KATNAL2: variants seen among roughly 807,000 people sequenced by gnomAD.
KATNAL2 encodes katanin p60 ATPase-containing subunit A-like 2.
Under a neutral mutation model 76.3 loss-of-function variants are expected in KATNAL2, and 52 were observed. That is an observed-to-expected ratio of 0.68 (90% confidence interval 0.55 to 0.86). KATNAL2 has a LOEUF of 0.86. KATNAL2 is among the 40% of genes least tolerant of loss of function. KATNAL2 has a pLI of 0.00. For synonymous variants in KATNAL2, 243 were observed against 244.2 expected, an observed-to-expected ratio of 1.00 and a Z score of 0.05; for missense variants, 660 against 668.9, an observed-to-expected ratio of 0.99 and a Z score of 0.15.
At chr18:47,054,482 G>T (rs773989990) in intron 6 of KATNAL2, 44 bp downstream of exon 6, 25 of 1,579,832 alleles carry the variant, frequency 1.6e-5, no homozygotes, top group African/African-American at 2.7e-5. Context: ...GGCTCGAGGA[G>T]CTTGTGGAAT....
chr18:47,033,560 G>C (rs1385638592), intron 3 of KATNAL2: 2 of 1,614,096 alleles, frequency 1.2e-6, no homozygotes, highest in South Asian at 1.1e-5. Context: ...TTCTTTCTGC[G>C]ATACAGCTGA....
At chr18:47,051,876 G>A (rs1435073074) in intron 4 of KATNAL2, among the ~76,000 whole-genome samples, 1 of 152,166 alleles carries the variant, frequency 6.6e-6, no homozygotes. Context: ...AGCAGCCTGG[G>A]CATCATAAGG....
At chr18:47,066,888 T>TATATATATATATATAACACAC (rs11281082) in intron 10 of KATNAL2, 133 bp from the exon 11 acceptor site, 23 of 75,804 alleles carry the variant, frequency 3.0e-4, no homozygotes, top group Non-Finnish European at 5.3e-4. Flanking sequence ...TATATATATA[T>TATATATATATATATAACACAC]ATATAATATG....
intron 15 of KATNAL2, among the ~76,000 whole-genome samples, chr18:47,087,752 CTG>C (rs35852657): frequency 0.41 from 60,296 of 148,050 alleles, 12,119 homozygotes; most frequent in Middle Eastern, 0.48. Flanking sequence ...TCTTTTACAT[CTG>C]TGTGTGTGTG....
At chr18:47,038,492 T>C (rs1381633531) in intron 3 of KATNAL2, among the ~76,000 whole-genome samples, 6 of 152,216 alleles carry the variant, frequency 3.9e-5, no homozygotes. Context: ...ACATGGAGTA[T>C]TTCTATAATA....
chr18:47,040,671 C>T (rs1365361104), intron 3 of KATNAL2, among the ~76,000 whole-genome samples: 1 of 152,130 alleles, frequency 6.6e-6, no homozygotes, highest in African/African-American at 2.4e-5. Flanking sequence ...GAATGGTGCA[C>T]ACTTGTAGTC....
At chr18:47,046,265 T>A (rs546845545) in intron 3 of KATNAL2, 192 bp from the exon 4 acceptor site, 1 of 578,286 alleles carries the variant, frequency 1.7e-6, no homozygotes, top group East Asian at 2.8e-5. Flanking sequence ...AGTTTACAAT[T>A]GAGAAGGCAG....
chr18:46,956,696 C>T (rs896086915), intron 3 of KATNAL2, among the ~76,000 whole-genome samples: 5 of 152,176 alleles, frequency 3.3e-5, no homozygotes, highest in African/African-American at 1.2e-4. Flanking sequence ...CTTGCTTTTG[C>T]AGAGCTTCTC....
chr18:47,099,106 C>A, intron 15 of KATNAL2, 137 bp from the exon 16 acceptor site: 1 of 716,780 alleles, frequency 1.4e-6, no homozygotes. Context: ...TTGTCCCATC[C>A]ACTCAAGGCA....
chr18:47,078,930 T>G (rs1218039254), intron 15 of KATNAL2, among the ~76,000 whole-genome samples: 1 of 152,242 alleles, frequency 6.6e-6, no homozygotes, highest in Admixed American at 6.5e-5. Context: ...CTTATGTTCC[T>G]TATATCATTG....
At chr18:47,067,528 T>C (rs564163835) in intron 11 of KATNAL2, among the ~76,000 whole-genome samples, 4 of 152,136 alleles carry the variant, frequency 2.6e-5, no homozygotes, top group Non-Finnish European at 5.9e-5. Flanking sequence ...CCCAGGATCG[T>C]CTGGGGCTTT....
At chr18:46,935,676 G>A (rs2059067467) in intron 1 of KATNAL2, among the ~76,000 whole-genome samples, 1 of 152,108 alleles carries the variant, frequency 6.6e-6, no homozygotes, top group South Asian at 2.1e-4. Context: ...CCAGCACTTT[G>A]GGAGGGTGAG....
At chr18:47,033,171 G>C in intron 3 of KATNAL2, 1 of 1,614,094 alleles carries the variant, frequency 6.2e-7, no homozygotes, top group Non-Finnish European at 8.5e-7. Context: ...GGATGCTGCT[G>C]CTGCTGTCTC....
At chr18:46,919,679 A>G (rs1399415913) in intron 1 of KATNAL2, among the ~76,000 whole-genome samples, 1 of 152,326 alleles carries the variant, frequency 6.6e-6, no homozygotes, top group East Asian at 1.9e-4. Flanking sequence ...TTAAAATTTT[A>G]TGTTAAAAAA....
chr18:47,063,485 C>A (rs34083574), intron 10 of KATNAL2, 124 bp downstream of exon 10: 5 of 652,312 alleles, frequency 7.7e-6, no homozygotes, highest in African/African-American at 1.8e-5. Context: ...CCCCCACTTG[C>A]GCAGGCACTC....
chr18:47,069,706 A>C (rs2061929886), intron 13 of KATNAL2, 106 bp downstream of exon 13: 7 of 697,164 alleles, frequency 1.0e-5, no homozygotes, highest in Non-Finnish European at 1.7e-5. Context: ...GTGAGATCTC[A>C]AGATCCACTC....
At chr18:47,049,183 T>C (rs1471306107) in intron 4 of KATNAL2, among the ~76,000 whole-genome samples, 2 of 152,248 alleles carry the variant, frequency 1.3e-5, no homozygotes, top group Non-Finnish European at 2.9e-5. Context: ...TTGGACAAGT[T>C]ACTTATTCTC....
chr18:46,947,068 T>C (rs1025976235), intron 3 of KATNAL2, 145 bp downstream of exon 3: 1 of 676,830 alleles, frequency 1.5e-6, no homozygotes, highest in African/African-American at 1.8e-5. Flanking sequence ...TCGGCCGAGG[T>C]GGTTAAATCC....
chr18:46,947,371 C>T (rs1281675560), intron 3 of KATNAL2, among the ~76,000 whole-genome samples: 3 of 152,148 alleles, frequency 2.0e-5, no homozygotes, highest in African/African-American at 4.8e-5. Flanking sequence ...GCATTTAATT[C>T]CCCTCTTGGG....
Sources: gnomAD v4.1 joint callset for allele counts (sites outside exome capture counted in the v4.1 genomes callset) on GRCh38, gnomAD v4.1.1 for gene constraint, MANE v1.5 for transcripts, NCBI Gene and HGNC (gene_info 2026-07-23, HGNC 2026-07-21) for gene names.